Variants in BEND5 observed in about 807,000 individuals in gnomAD.
The protein encoded by BEND5 is BEN domain containing 5.
A neutral mutation model predicts 43.9 loss-of-function variants in BEND5; 22 were observed. The observed-to-expected ratio is 0.50, with a 90% CI of 0.36 to 0.72. BEND5 has a LOEUF of 0.72. Ranked by LOEUF, BEND5 falls within the 30% of genes least tolerant of loss-of-function variation. The probability of loss-of-function intolerance (pLI) is 0.00; values close to 1 mark genes in which losing one functional copy is unlikely to be tolerated. For synonymous variants in BEND5, 228 were observed against 225.9 expected, an observed-to-expected ratio of 1.01 and a Z score of -0.08; for missense variants, 428 against 550.6, an observed-to-expected ratio of 0.78 and a Z score of 2.23.
chr1:48,737,130 A>C (rs1649187315), intron 4 of BEND5, among the ~76,000 whole-genome samples: 1 of 151,962 alleles, frequency 6.6e-6, no homozygotes, highest in African/African-American at 2.4e-5. Context: ...AAAAATACAA[A>C]AAAATTAGCC....
rs1467358732 is a variant in BEND5, at chr1:48,776,657, G to T, written c.175C>A (p.Arg59Ser). The change falls in exon 1 of 6, where the codon CGC becomes AGC. Residue 59 changes from arginine (R) to serine (S), a missense_variant. Arg to Ser is a moderately radical substitution (Grantham distance 110). Coordinates refer to ENST00000371833, the MANE Select transcript of BEND5 (RefSeq NM_024603.4). ...TGGAGCAACAGCGCGCCCCAGTCGC[G>T]GGGGGCGCGCGGGGGGCTCTCGGGC... ...AGPESPPRAP[R>S]DWGALLLHKA... The T allele has an allele frequency of 4.7e-6, 7 of 1,492,358 alleles. No individual in the cohort carries two copies. The highest frequency in any genetic ancestry group is 2.4e-5 in the Admixed American group (1 of 41,018). The allele number at this position is 1,492,358 out of a possible 1,614,324, so 92.4% of individuals were successfully genotyped here.
At position 48,740,687 on chromosome 1, in the gene BEND5, T is replaced by C. The variant is rs539986488; in HGVS notation, c.894+1936A>G. 4.6e-5 allele frequency among the ~76,000 whole-genome samples: 7 copies of C among 152,294 alleles called. No individual in the cohort carries two copies. In the South Asian group the frequency reaches 1.0e-3, roughly 23 times the overall value. ...TTATAGGACAAAAATCATTTCCTAC[T>C]AGGAAATGTGTCCCATTCCAGTGCT... On this transcript the variant is annotated intron_variant, in intron 4 of 5. Coordinates refer to ENST00000371833, the MANE Select transcript of BEND5 (RefSeq NM_024603.4).
chr1:48,751,039 T>C (rs1651655016), intron 3 of BEND5, among the ~76,000 whole-genome samples: 1 of 152,226 alleles, frequency 6.6e-6, no homozygotes, highest in Admixed American at 6.5e-5. Flanking sequence ...ATAGCATTCA[T>C]GAAATCCTAT....
At chr1:48,764,843 CG>C (rs1293256790) in intron 1 of BEND5, among the ~76,000 whole-genome samples, 1 of 152,168 alleles carries the variant, frequency 6.6e-6, no homozygotes, top group Non-Finnish European at 1.5e-5. Context: ...AAAGGTGCAG[CG>C]GATGACAGAG....
intron 1 of BEND5, among the ~76,000 whole-genome samples, chr1:48,762,964 C>T (rs151272654): frequency 6.6e-6 from 1 of 152,060 alleles, no homozygotes; most frequent in African/African-American, 2.4e-5. Flanking sequence ...AGGATGAGAG[C>T]AATAATTCAC....
intron 3 of BEND5, among the ~76,000 whole-genome samples, chr1:48,748,009 T>C (rs1395414486): frequency 6.6e-6 from 1 of 152,224 alleles, no homozygotes; most frequent in Non-Finnish European, 1.5e-5. Flanking sequence ...TACCATCCTA[T>C]TTTCTTCATA....
chr1:48,756,077 C>T (rs1419305346), intron 3 of BEND5, among the ~76,000 whole-genome samples: 2 of 152,178 alleles, frequency 1.3e-5, no homozygotes, highest in Non-Finnish European at 2.9e-5. Flanking sequence ...AGTAATCAAG[C>T]ATTAACAGAA....
intron 5 of BEND5, among the ~76,000 whole-genome samples, chr1:48,729,934 C>T (rs1647833352): frequency 6.6e-6 from 1 of 152,080 alleles, no homozygotes; most frequent in African/African-American, 2.4e-5. Flanking sequence ...CTCTCCAGTC[C>T]CACCTCTGCT....
Position 48,732,295 on chromosome 1 carries a change from C to T in BEND5, c.1108+3944G>A, listed in dbSNP as rs116756759. 2.8e-3 allele frequency among the ~76,000 whole-genome samples: 424 copies of T among 152,170 alleles called. 2 individuals carry two copies. Among genetic ancestry groups the T allele is most frequent in the African/African-American group, 9.6e-3 (399 of 41,510 alleles). On this transcript the variant is annotated intron_variant, in intron 5 of 5. Coordinates refer to ENST00000371833, the MANE Select transcript of BEND5 (RefSeq NM_024603.4). Reference sequence around the variant, plus strand: ...ATGTGGGCATCTGTGAAGAGATAACCAGTGGGCACTTTGATCATAGATCAA... The same window carrying T: ...ATGTGGGCATCTGTGAAGAGATAACTAGTGGGCACTTTGATCATAGATCAA...
chr1:48,764,618 C>T (rs565944506), intron 1 of BEND5, among the ~76,000 whole-genome samples: 8 of 152,300 alleles, frequency 5.3e-5, no homozygotes, highest in African/African-American at 1.4e-4. Context: ...TTAAGAAGAG[C>T]TGAGGCTCAG....
At position 48,769,553 on chromosome 1, in the gene BEND5, ACACACACACACACACAC is replaced by A. The variant is rs1377589011; in HGVS notation, c.226+7036_226+7052del. ...CACACACACACACACACACACACAC[ACACACACACACACACAC>A]AAGTTAAATTTTAAACTTGTATGCT... On this transcript the variant is annotated intron_variant, in intron 1 of 5. Transcript: ENST00000371833. Among the ~76,000 whole-genome samples the A allele has an allele frequency of 3.4e-5, 5 of 147,214 alleles. No homozygotes were observed. The East Asian group carries it at 8.1e-4, about 24-fold the overall frequency.
chr1:48,739,058 T>C (rs753996988), intron 4 of BEND5, among the ~76,000 whole-genome samples: 1 of 152,204 alleles, frequency 6.6e-6, no homozygotes, highest in Admixed American at 6.5e-5. Context: ...GTGGTACTGA[T>C]GTAGATCAAA....
intron 1 of BEND5, among the ~76,000 whole-genome samples, chr1:48,770,126 A>G (rs1644740334): frequency 6.6e-6 from 1 of 152,138 alleles, no homozygotes; most frequent in Admixed American, 6.5e-5. Context: ...ATGCCTGTGA[A>G]TTCCATTCTC....
intron 3 of BEND5, 101 bp from the exon 4 acceptor site, chr1:48,742,872 T>C: frequency 1.6e-6 from 2 of 1,256,048 alleles, no homozygotes; most frequent in Non-Finnish European, 2.1e-6. Context: ...ACAAAAAATT[T>C]GCTAGCTTAT....
intron 1 of BEND5, among the ~76,000 whole-genome samples, chr1:48,762,944 G>A (rs79421974): frequency 0.022 from 3,364 of 152,088 alleles, 99 homozygotes; most frequent in African/African-American, 0.077. Context: ...TCCTCATAAT[G>A]GAGGTTGTGA....
In BEND5 at chr1:48,776,890, G is replaced by A; in HGVS notation, c.-59C>T. 8.3e-7 allele frequency: 1 copy of A among 1,199,900 alleles called. No homozygotes were observed. The allele number at this position is 1,199,900 out of a possible 1,614,324, so 74.3% of individuals were successfully genotyped here. A position where few individuals can be genotyped will look rare whatever the true frequency, so the allele number is the denominator to read the frequency against. On this transcript the variant is annotated 5_prime_UTR_variant, in exon 1 of 6. Transcript: ENST00000371833. ...CTCAGCCCGCGGGGCGGGCGCGGAG[G>A]TGGGGATCCGGCGGGGGGCGCGAGT...
intron 4 of BEND5, among the ~76,000 whole-genome samples, chr1:48,740,103 T>G (rs1001877637): frequency 6.6e-6 from 1 of 152,250 alleles, no homozygotes; most frequent in African/African-American, 2.4e-5. Context: ...CTGCTGTTCC[T>G]TGGAGATGAA....
intron 1 of BEND5, among the ~76,000 whole-genome samples, chr1:48,764,254 TG>T (rs1290384281): frequency 6.6e-6 from 1 of 152,248 alleles, no homozygotes; most frequent in Non-Finnish European, 1.5e-5. Context: ...ACTTGCTAGG[TG>T]ATCTTGAGTA....
At chr1:48,753,481 C>G (rs979151092) in intron 3 of BEND5, among the ~76,000 whole-genome samples, 1 of 152,184 alleles carries the variant, frequency 6.6e-6, no homozygotes, top group Non-Finnish European at 1.5e-5. Flanking sequence ...CTTAAAGAAA[C>G]CAGTTCAGAC....
Sources: allele counts gnomAD v4.1 joint callset (sites outside exome capture counted in the v4.1 genomes callset), GRCh38; gene constraint gnomAD v4.1.1; transcripts MANE v1.5; gene names NCBI Gene and HGNC (gene_info 2026-07-23, HGNC 2026-07-21).